Variants in POU3F3 observed in about 807,000 individuals in gnomAD.
POU3F3 encodes the protein POU class 3 homeobox 3.
In POU3F3, 1 loss-of-function variant was observed where a neutral mutation model predicts 8.6. The observed-to-expected ratio is 0.12, with a 90% CI of 0.04 to 0.55. POU3F3 has a LOEUF of 0.55. Ranked by LOEUF, POU3F3 falls within the 20% of genes least tolerant of loss-of-function variation. The pLI is 0.91. For synonymous variants in POU3F3, 418 were observed against 327.4 expected, an observed-to-expected ratio of 1.28 and a Z score of -2.99; for missense variants, 577 against 690.7, an observed-to-expected ratio of 0.84 and a Z score of 1.84.
At chr2:104,878,252 T>C in the POU3F3 span, among the ~76,000 whole-genome samples, 1 of 152,142 alleles carries the variant, frequency 6.6e-6, no homozygotes, top group Non-Finnish European at 1.5e-5. Context: ...AATCATGCAA[T>C]TTACCCAAAT....
chr2:104,874,263 C>G, the POU3F3 span, among the ~76,000 whole-genome samples: 9 of 152,128 alleles, frequency 5.9e-5, no homozygotes, highest in African/African-American at 2.2e-4. Context: ...CCAGGAGAGA[C>G]CTCTGGAGAG....
the POU3F3 span, among the ~76,000 whole-genome samples, chr2:104,918,643 G>A: frequency 1.3e-5 from 2 of 152,128 alleles, no homozygotes; most frequent in South Asian, 4.1e-4. Flanking sequence ...CCAGAAGCCA[G>A]GAGAGAGGCC....
At chr2:104,903,515 G>A in the POU3F3 span, among the ~76,000 whole-genome samples, 1 of 152,206 alleles carries the variant, frequency 6.6e-6, no homozygotes. Context: ...TATGTGTGCT[G>A]TTCTGTTTCA....
At chr2:104,883,796 G>C in the POU3F3 span, among the ~76,000 whole-genome samples, 4 of 152,212 alleles carry the variant, frequency 2.6e-5, no homozygotes, top group Admixed American at 2.6e-4. Context: ...GAGGGTAGGA[G>C]TGAGGGGATG....
the POU3F3 span, among the ~76,000 whole-genome samples, chr2:104,884,816 G>A: frequency 1.1e-3 from 166 of 152,254 alleles, 2 homozygotes; most frequent in African/African-American, 3.8e-3. Context: ...TATTGGGGAG[G>A]GACTTCTGTT....
At chr2:104,874,141 G>T in the POU3F3 span, among the ~76,000 whole-genome samples, 2 of 152,300 alleles carry the variant, frequency 1.3e-5, no homozygotes, top group Non-Finnish European at 2.9e-5. Flanking sequence ...TCCAGCAGTG[G>T]CCCCAGGAGA....
At chr2:104,897,771 A>G in the POU3F3 span, among the ~76,000 whole-genome samples, 1 of 152,246 alleles carries the variant, frequency 6.6e-6, no homozygotes, top group East Asian at 1.9e-4. Flanking sequence ...CCAGATGTTT[A>G]TATGCATTTC....
the POU3F3 span, among the ~76,000 whole-genome samples, chr2:104,889,862 G>A: frequency 6.6e-6 from 1 of 152,090 alleles, no homozygotes; most frequent in Non-Finnish European, 1.5e-5. Context: ...ATTAACAGCT[G>A]TTTCTGATAT....
chr2:104,869,076 C>T, the POU3F3 span, among the ~76,000 whole-genome samples: 5 of 152,304 alleles, frequency 3.3e-5, 1 homozygote, highest in Admixed American at 3.3e-4. Flanking sequence ...GTTCAAAAAC[C>T]TCAGTGGAAT....
chr2:104,875,546 T>C, the POU3F3 span, among the ~76,000 whole-genome samples: 1 of 152,212 alleles, frequency 6.6e-6, no homozygotes, highest in Non-Finnish European at 1.5e-5. Context: ...CCAGTTGGTG[T>C]GAAGTGATAT....
chr2:104,909,426 T>C, the POU3F3 span, among the ~76,000 whole-genome samples: 1 of 152,192 alleles, frequency 6.6e-6, no homozygotes, highest in Non-Finnish European at 1.5e-5. Flanking sequence ...AGCCAAGAGA[T>C]GTGTGTGTTA....
the POU3F3 span, among the ~76,000 whole-genome samples, chr2:104,898,911 G>A: frequency 6.6e-6 from 1 of 152,140 alleles, no homozygotes; most frequent in Non-Finnish European, 1.5e-5. Context: ...TGGAATTCCT[G>A]CTAATAGTAT....
chr2:104,907,909 A>G, the POU3F3 span, among the ~76,000 whole-genome samples: 1,392 of 152,210 alleles, frequency 9.1e-3, 10 homozygotes, highest in Middle Eastern at 0.02. Context: ...TATGATATGG[A>G]TACTGGAATG....
At chr2:104,889,897 C>A in the POU3F3 span, among the ~76,000 whole-genome samples, 2 of 152,082 alleles carry the variant, frequency 1.3e-5, no homozygotes, top group African/African-American at 2.4e-5. Flanking sequence ...TTTAAATAAT[C>A]TTTTCTTGTA....
the POU3F3 span, among the ~76,000 whole-genome samples, chr2:104,913,685 T>C: frequency 6.6e-6 from 1 of 152,192 alleles, no homozygotes; most frequent in Non-Finnish European, 1.5e-5. Context: ...ATCTTCAGCA[T>C]TGGCATTTTT....
chr2:104,881,470 C>A, the POU3F3 span, among the ~76,000 whole-genome samples: 311 of 152,192 alleles, frequency 2.0e-3, no homozygotes, highest in Admixed American at 4.1e-3. Flanking sequence ...CCATCCTAAT[C>A]TTTTTCATAT....
At position 104,857,189 on chromosome 2, in the gene POU3F3, C is replaced by T; in HGVS notation, c.*176C>T. Reference sequence around the variant, plus strand: ...CCAGGCCCATCCGCCGCCCTCCCCTCCACCCAGAGACAGGCATGCCCGCCC... The same window carrying T: ...CCAGGCCCATCCGCCGCCCTCCCCTTCACCCAGAGACAGGCATGCCCGCCC... On this transcript the variant is annotated 3_prime_UTR_variant, in exon 1 of 1. Coordinates refer to ENST00000361360, the MANE Select transcript of POU3F3 (RefSeq NM_006236.3). 1 of 684,956 alleles carries T rather than the reference C, an allele frequency of 1.5e-6. No homozygotes were observed. The highest frequency in any genetic ancestry group is 1.8e-6 in the Non-Finnish European group (1 of 554,804). The allele number at this position is 684,956 out of a possible 1,614,324, so 42.4% of individuals were successfully genotyped here. A position where few individuals can be genotyped will look rare whatever the true frequency, so the allele number is the denominator to read the frequency against.
At chr2:104,875,515 G>A in the POU3F3 span, among the ~76,000 whole-genome samples, 2 of 151,836 alleles carry the variant, frequency 1.3e-5, no homozygotes, top group Non-Finnish European at 2.9e-5. Flanking sequence ...GTTATTTTTT[G>A]TTTCTTTAGT....
chr2:104,903,124 C>T, the POU3F3 span, among the ~76,000 whole-genome samples: 1 of 152,130 alleles, frequency 6.6e-6, no homozygotes, highest in Admixed American at 6.6e-5. Flanking sequence ...TGTTAAAGAT[C>T]CTTTCATAGT....
Sources: allele counts gnomAD v4.1 joint callset (sites outside exome capture counted in the v4.1 genomes callset), GRCh38; gene constraint gnomAD v4.1.1; transcripts MANE v1.5; gene names NCBI Gene and HGNC (gene_info 2026-07-23, HGNC 2026-07-21).